TMED4: variants seen among roughly 807,000 people sequenced by gnomAD.
TMED4 encodes the protein transmembrane emp24 domain-containing protein 4.
In TMED4, 19 loss-of-function variants were observed where a neutral mutation model predicts 26.5. That is an observed-to-expected ratio of 0.72 (90% CI 0.50 to 1.05). The LOEUF (loss-of-function observed/expected upper bound fraction) is 1.05. TMED4 is among the 50% of genes least tolerant of loss of function. The probability of loss-of-function intolerance (pLI) is 0.00; values close to 1 mark genes in which losing one functional copy is unlikely to be tolerated. For synonymous variants in TMED4, 121 were observed against 119.8 expected (o/e 1.01, Z -0.07); for missense variants, 303 against 302.5 (o/e 1.00, Z -0.01).
In TMED4 at chr7:44,582,170, C is replaced by T; in HGVS notation, c.37G>A (p.Gly13Arg). The T allele has an allele frequency of 6.5e-7, 1 of 1,548,404 alleles. No individual in the cohort carries two copies. The highest frequency in any genetic ancestry group is 8.7e-7 in the Non-Finnish European group (1 of 1,146,262). ...GCGAGAAGCAGCAGGGCCTGCCGCC[C>T]CATCGCCCGCAGAGGCCCAGCCCCG... Reference protein sequence around the residue: ...GVGAGPLRAMGRQALLLLALC... With the variant: ...GVGAGPLRAMRRQALLLLALC... The change falls in exon 1 of 5, where the codon GGG (glycine) becomes AGG (arginine). Residue 13 changes from glycine (G) to arginine (R), a missense_variant. By Grantham distance (125) the Gly-to-Arg change is moderately radical. Coordinates refer to ENST00000457408, the MANE Select transcript of TMED4 (RefSeq NM_182547.4).
intron 3 of TMED4, 48 bp downstream of exon 3, chr7:44,581,400 GA>G: frequency 6.2e-7 from 1 of 1,612,188 alleles, no homozygotes; most frequent in South Asian, 1.1e-5. Flanking sequence ...TCAAAATTTG[GA>G]AACAAGTGAG....
In TMED4 at chr7:44,581,827, C is replaced by A. The variant is rs777161787; in HGVS notation, c.161-4G>T. The stretch of plus-strand genomic sequence containing the variant: ...CACATCTGGGTACGATAGTTGCCTG[C>A]GGGGCAGACACATAGTCACGACCGG... On this transcript the variant is annotated splice_region_variant and splice_polypyrimidine_tract_variant and intron_variant, in intron 1 of 4. Transcript: ENST00000457408. The A allele has an allele frequency of 1.2e-6, 2 of 1,613,980 alleles. No homozygotes were observed. Among genetic ancestry groups the A allele is most frequent in the Middle Eastern group, 1.7e-4 (1 of 6,056 alleles).
intron 4 of TMED4, chr7:44,580,238 G>A (rs1802939914): frequency 6.6e-6 from 1 of 152,438 alleles, no homozygotes; most frequent in African/African-American, 2.4e-5. Flanking sequence ...CAACACTTTG[G>A]GAGGCTGCGG....
chr7:44,581,183 A>G lies in TMED4; in HGVS notation c.444T>C (p.Ala148=). The G allele has an allele frequency of 1.2e-6, 2 of 1,614,140 alleles. No homozygotes were observed. The highest frequency in any genetic ancestry group is 1.7e-6 in the Non-Finnish European group (2 of 1,180,042). ...GTAGCTCCGTCAGCTTATCTTTTGC[A>G]GCAATCTCAGGGTAGTTGTTGGCAT... The part of the protein sequence containing the change: ...GEHANNYPEI[A]AKDKLTELQL... Residue 148 remains alanine, a synonymous_variant, in exon 4 of 5, where the codon GCT becomes GCC. Coordinates refer to ENST00000457408, the MANE Select transcript of TMED4 (RefSeq NM_182547.4).
intron 4 of TMED4, 40 bp downstream of exon 4, chr7:44,581,053 G>C (rs1303113181): frequency 6.2e-7 from 1 of 1,612,162 alleles, no homozygotes; most frequent in Non-Finnish European, 8.5e-7. Flanking sequence ...GGGTATAAAG[G>C]TCAACTGCCC....
chr7:44,581,994 C>G lies in TMED4; in HGVS notation c.160+53G>C, dbSNP rs145682845. ...GGCTGGGCTCGGGAGGAGGGAGCGC[C>G]GCCGAGGGCTGAGCTGGGTACAAAG... On this transcript the variant is annotated intron_variant, in intron 1 of 4. Coordinates refer to ENST00000457408, the MANE Select transcript of TMED4 (RefSeq NM_182547.4). 8.2e-4 allele frequency: 1,242 copies of G among 1,523,068 alleles called. 11 individuals are homozygous for G. In the African/African-American group the frequency reaches 0.016, roughly 20 times the overall value. The allele number at this position is 1,523,068 out of a possible 1,614,324, so 94.3% of individuals were successfully genotyped here.
rs1172169614 is a variant in TMED4 at position 44,581,135 on chromosome 7, A to G, written c.492T>C (p.Leu164=). The G allele has an allele frequency of 1.2e-6, 2 of 1,614,146 alleles. No individual in the cohort carries two copies. Residue 164 remains leucine, a synonymous_variant, in exon 4 of 5, where the codon CTT becomes CTC. Coordinates refer to ENST00000457408, the MANE Select transcript of TMED4 (RefSeq NM_182547.4). The part of the protein sequence containing the change: ...TELQLRARQL[L]DQVEQIQKEQ... ...CCTTCTGAATCTGTTCCACCTGATC[A>G]AGCAACTGGCGGGCGCGGAGCTGTA...
chr7:44,582,165 C>T lies in TMED4; in HGVS notation c.42G>A (p.Arg14=), dbSNP rs369977796. The T allele has an allele frequency of 1.6e-5, 25 of 1,548,698 alleles. No individual in the cohort carries two copies. The African/African-American group carries it at 3.0e-4, about 19-fold the overall frequency. Residue 14 remains arginine, a synonymous_variant, in exon 1 of 5, where the codon CGG becomes CGA. Transcript: ENST00000457408. ...ACAGCGCGAGAAGCAGCAGGGCCTG[C>T]CGCCCCATCGCCCGCAGAGGCCCAG... is the stretch of plus-strand genomic sequence containing the variant. ...VGAGPLRAMG[R]QALLLLALCA... is the part of the protein sequence containing the mutation.
At position 44,578,560 on chromosome 7, in the gene TMED4, A is replaced by C. The variant is rs936932468; in HGVS notation, c.*919T>G. 1 of 152,142 alleles carries C rather than the reference A, an allele frequency of 6.6e-6. No homozygotes were observed. The highest frequency in any genetic ancestry group is 2.4e-5 in the African/African-American group (1 of 41,422). The allele number at this position is 152,142 out of a possible 1,614,324, so 9.4% of individuals were successfully genotyped here. On this transcript the variant is annotated 3_prime_UTR_variant, in exon 5 of 5. Transcript: ENST00000457408. Reference sequence around the variant, plus strand: ...AGCCCTGGTGCCTGCTTTCTGGCCCACAGACCGCTGAAATCCTAGGAGCTG... The same window carrying C: ...AGCCCTGGTGCCTGCTTTCTGGCCCCCAGACCGCTGAAATCCTAGGAGCTG...
rs537643590 is a variant in TMED4, at chr7:44,581,515, G to A, written c.321C>T (p.Pro107=). Residue 107 remains proline (P), a synonymous_variant, in exon 3 of 5, where the codon CCC becomes CCT. Coordinates refer to ENST00000457408, the MANE Select transcript of TMED4 (RefSeq NM_182547.4). Reference sequence around the variant, plus strand: ...AGTGCAGACAGATTTGATGGTCACCGGGCGTGTGGGAGGTGAACGTGAAGC... The same window carrying A: ...AGTGCAGACAGATTTGATGGTCACCAGGCGTGTGGGAGGTGAACGTGAAGC... ...EGRFTFTSHT[P]GDHQICLHSN... is the part of the protein sequence containing the mutation. 3.7e-6 allele frequency: 6 copies of A among 1,614,208 alleles called. No homozygotes were observed. In the African/African-American group the frequency reaches 8.0e-5, roughly 22 times the overall value.
At chr7:44,581,657 G>A (rs1803002370) in intron 2 of TMED4, 66 bp downstream of exon 2, 1 of 1,613,658 alleles carries the variant, frequency 6.2e-7, no homozygotes, top group Non-Finnish European at 8.5e-7. Flanking sequence ...GCCTCCTCCA[G>A]GCAGTGCTTT....
In TMED4 at chr7:44,582,080, T is replaced by G. The variant is rs1562591770; in HGVS notation, c.127A>C (p.Ile43Leu). 5 of 1,566,968 alleles carry G rather than the reference T, an allele frequency of 3.2e-6. No individual in the cohort carries two copies. Among genetic ancestry groups the G allele is most frequent in the Non-Finnish European group, 4.3e-6 (5 of 1,156,030 alleles). The change falls in exon 1 of 5, where the codon ATC (isoleucine) becomes CTC (leucine). Residue 43 changes from isoleucine (I) to leucine (L), a missense_variant. By Grantham distance (5) the Ile-to-Leu change is conservative (BLOSUM62 2). Coordinates refer to ENST00000457408, the MANE Select transcript of TMED4 (RefSeq NM_182547.4). ...HIGETEKRCF[I>L]EEIPDETMVI... ...ATGGTCTCGTCGGGGATTTCCTCGA[T>G]GAAACAGCGCTTCTCGGTCTCGCCG...
intron 4 of TMED4, 78 bp from the exon 5 acceptor site, chr7:44,579,706 C>A: frequency 6.7e-7 from 1 of 1,487,426 alleles, no homozygotes; most frequent in Non-Finnish European, 9.2e-7. Context: ...CGTGTAATTA[C>A]TCAACTCCAG....
intron 1 of TMED4, 97 bp downstream of exon 1, chr7:44,581,950 C>A: frequency 6.5e-7 from 1 of 1,534,148 alleles, no homozygotes; most frequent in Admixed American, 2.1e-5. Flanking sequence ...AGGCTAGGTA[C>A]TGGGGGAGCC....
In TMED4 at chr7:44,578,257, C is replaced by T. The variant is rs980765110; in HGVS notation, c.*1222G>A. On this transcript the variant is annotated 3_prime_UTR_variant, in exon 5 of 5. Coordinates refer to ENST00000457408, the MANE Select transcript of TMED4 (RefSeq NM_182547.4). ...GTAGCCCAGGCACCTTTCCTCTTTT[C>T]CTTTAGGTGCCTCCCCTCTACCCAC... 9.9e-5 allele frequency: 15 copies of T among 152,224 alleles called. No homozygotes were observed. The highest frequency in any genetic ancestry group is 3.6e-4 in the African/African-American group (15 of 41,456). 9.4% of individuals were successfully genotyped at this position (152,224 alleles called of 1,614,324 possible).
Position 44,582,174 on chromosome 7 carries a change from C to T in TMED4, c.33G>A (p.Ala11=), listed in dbSNP as rs1195188782. 1 of 1,548,220 alleles carries T rather than the reference C, an allele frequency of 6.5e-7. No individual in the cohort carries two copies. The highest frequency in any genetic ancestry group is 8.7e-7 in the Non-Finnish European group (1 of 1,146,258). Residue 11 remains alanine, a synonymous_variant, in exon 1 of 5, where the codon GCG becomes GCA. Transcript: ENST00000457408. ...GAAGCAGCAGGGCCTGCCGCCCCATCGCCCGCAGAGGCCCAGCCCCGACAC... is the reference window on the plus strand; with the variant it reads ...GAAGCAGCAGGGCCTGCCGCCCCATTGCCCGCAGAGGCCCAGCCCCGACAC... The part of the protein sequence containing the change: MAGVGAGPLR[A]MGRQALLLLA...
Position 44,582,208 on chromosome 7 carries a change from G to A in TMED4, c.-2C>T, listed in dbSNP as rs1381290369. On this transcript the variant is annotated 5_prime_UTR_variant, in exon 1 of 5. Transcript: ENST00000457408. ...AGGCCCAGCCCCGACACCTGCCATC[G>A]CGCCTCAGCCCCTAAGCGCCTGCGC... 3 of 1,542,200 alleles carry A rather than the reference G, an allele frequency of 1.9e-6. No homozygotes were observed. The highest frequency in any genetic ancestry group is 1.7e-6 in the Non-Finnish European group (2 of 1,145,662).
Position 44,578,052 on chromosome 7 carries a change from G to A in TMED4, c.*1427C>T, listed in dbSNP as rs1802868863. 6.6e-6 allele frequency: 1 copy of A among 152,130 alleles called. No individual in the cohort carries two copies. Among genetic ancestry groups the A allele is most frequent in the African/African-American group, 2.4e-5 (1 of 41,424 alleles). The allele number at this position is 152,130 out of a possible 1,614,324, so 9.4% of individuals were successfully genotyped here. Reference sequence around the variant, plus strand: ...ATTTGTTCAAATTTATGACTGAGAGGGCTAAGAAGGTACTTAATTTCCTCA... The same window carrying A: ...ATTTGTTCAAATTTATGACTGAGAGAGCTAAGAAGGTACTTAATTTCCTCA... On this transcript the variant is annotated 3_prime_UTR_variant, in exon 5 of 5. Transcript: ENST00000457408.
rs1554292686 is a variant in TMED4, at chr7:44,581,062, C to T, written c.534+31G>A. On this transcript the variant is annotated intron_variant, in intron 4 of 4. Coordinates refer to ENST00000457408, the MANE Select transcript of TMED4 (RefSeq NM_182547.4). ...TATAGTGGGTATAAAGGTCAACTGC[C>T]CTCTCAAATTACAAGGAGATATGCA... 4.3e-6 allele frequency: 7 copies of T among 1,613,166 alleles called. No homozygotes were observed. The South Asian group carries it at 6.6e-5, about 15-fold the overall frequency.
Sources: gnomAD v4.1 joint callset for allele counts on GRCh38, gnomAD v4.1.1 for gene constraint, MANE v1.5 for transcripts, NCBI Gene and HGNC (gene_info 2026-07-23, HGNC 2026-07-21) for gene names.